The following HHLA2 variants were observed in gnomAD, a reference collection of about 807,000 sequenced individuals.
HHLA2 encodes the protein HHLA2 member of B7 family.
HHLA2 carries 48 observed loss-of-function variants against 45.9 expected under a neutral mutation model. The ratio of observed to expected loss-of-function variants is 1.05; its 90% CI spans 0.83 to 1.33. The LOEUF is 1.33. Among genes scored for constraint, HHLA2 ranks in the 40% most tolerant of loss-of-function variants. HHLA2 has a pLI of 0.00. For synonymous variants in HHLA2, 161 were observed against 173.9 expected (o/e 0.93, Z 0.59); for missense variants, 462 against 494.3 (o/e 0.93, Z 0.62).
chr3:108,303,816 T>C (rs13099364), intron 1 of HHLA2, among the ~76,000 whole-genome samples: 31,176 of 152,024 alleles, frequency 0.21, 4,337 homozygotes, highest in Non-Finnish European at 0.29. Flanking sequence ...GATGGGCTCT[T>C]GATTTTTTTT....
rs2081869872 is a variant in HHLA2 at position 108,355,345 on chromosome 3, CTGAAGCA to C, written c.650_656del (p.Leu217GlnfsTer9). 6.2e-7 allele frequency: 1 copy of C among 1,613,730 alleles called. No homozygotes were observed. On this transcript the variant is annotated frameshift_variant, in exon 6 of 11. Transcript: ENST00000619531. LOFTEE classifies it high-confidence loss of function. ...TGAATGTACAATTGAAAATTCACTGCTGAAGCAAACATGGACAGGGCGCTGGACGATG... is the reference window on the plus strand; with the variant it reads ...TGAATGTACAATTGAAAATTCACTGCAACATGGACAGGGCGCTGGACGATG...
chr3:108,363,929 G>A (rs2082019852), intron 8 of HHLA2, among the ~76,000 whole-genome samples: 1 of 152,000 alleles, frequency 6.6e-6, no homozygotes, highest in Non-Finnish European at 1.5e-5. Context: ...CTTGGAAGGA[G>A]AGAGTCACGT....
At chr3:108,333,839 C>T (rs1441949958) in intron 3 of HHLA2, among the ~76,000 whole-genome samples, 1 of 152,112 alleles carries the variant, frequency 6.6e-6, no homozygotes, top group Non-Finnish European at 1.5e-5. Context: ...CGCTAGATGA[C>T]ATTGAATTCC....
intron 3 of HHLA2, among the ~76,000 whole-genome samples, chr3:108,337,293 C>A (rs1367033641): frequency 1.3e-5 from 2 of 152,114 alleles, no homozygotes; most frequent in African/African-American, 4.8e-5. Flanking sequence ...TTGTCCATGA[C>A]AGATTAGAAA....
exon 5 of HHLA2, chr3:108,353,542 A>G: frequency 6.2e-7 from 1 of 1,613,484 alleles, no homozygotes; most frequent in Non-Finnish European, 8.5e-7. Flanking sequence ...CCGAAGTCGT[A>G]ATACACTGGA....
rs996567737 is a variant in HHLA2, at chr3:108,328,406, A to C, written c.-27+59A>C. 1.7e-5 allele frequency: 18 copies of C among 1,090,876 alleles called. No homozygotes were observed. In the African/African-American group the frequency reaches 2.6e-4, roughly 15 times the overall value. The allele number at this position is 1,090,876 out of a possible 1,614,324, so 67.6% of individuals were successfully genotyped here. A position where few individuals can be genotyped will look rare whatever the true frequency, so the allele number is the denominator to read the frequency against. ...TTATCTGTGCAGCTATTTATTTGAA[A>C]ATTACTGCATGACCAGGAAACATTT... On this transcript the variant is annotated intron_variant, in intron 3 of 10. Transcript: ENST00000619531.
At chr3:108,355,182 A>G (rs2081863140) in exon 6 of HHLA2, 2 of 1,613,610 alleles carry the variant, frequency 1.2e-6, no homozygotes, top group Non-Finnish European at 8.5e-7. Context: ...GCAGCGTGTT[A>G]AGTGTTTATC....
At chr3:108,328,489 A>T in intron 3 of HHLA2, 1 of 608,294 alleles carries the variant, frequency 1.6e-6, no homozygotes, top group South Asian at 2.6e-5. Context: ...GGAGGTGAAT[A>T]TTATTATCCC....
chr3:108,332,544 T>A (rs138065421), intron 3 of HHLA2, among the ~76,000 whole-genome samples: 3 of 152,178 alleles, frequency 2.0e-5, no homozygotes, highest in Non-Finnish European at 4.4e-5. Flanking sequence ...GTCCTAACAG[T>A]AGAGTTGCTG....
chr3:108,342,976 C>T (rs924828235), intron 3 of HHLA2, among the ~76,000 whole-genome samples: 2 of 152,166 alleles, frequency 1.3e-5, no homozygotes, highest in Non-Finnish European at 2.9e-5. Flanking sequence ...ATGTAATTCA[C>T]CTATCTTTTG....
intron 2 of HHLA2, among the ~76,000 whole-genome samples, chr3:108,313,380 C>A (rs2081052029): frequency 6.6e-6 from 1 of 152,092 alleles, no homozygotes; most frequent in Non-Finnish European, 1.5e-5. Context: ...ATGCTTAATC[C>A]CGGGGGATTT....
chr3:108,299,028 A>G (rs1428762052), intron 1 of HHLA2, among the ~76,000 whole-genome samples: 1 of 152,232 alleles, frequency 6.6e-6, no homozygotes, highest in Non-Finnish European at 1.5e-5. Flanking sequence ...CCTAGATTAG[A>G]GACATCACCA....
intron 3 of HHLA2, among the ~76,000 whole-genome samples, chr3:108,340,675 AAAG>A (rs2081548896): frequency 1.3e-5 from 2 of 152,270 alleles, no homozygotes; most frequent in Non-Finnish European, 2.9e-5. Flanking sequence ...TTGAATTTAT[AAAG>A]TTAAGGCATT....
chr3:108,362,428 A>G (rs1449913066), exon 8 of HHLA2: 4 of 1,609,958 alleles, frequency 2.5e-6, no homozygotes, highest in African/African-American at 1.3e-5. Context: ...GCTGATTTGG[A>G]GCGTAAAATG....
At chr3:108,316,394 ATAAC>A (rs2081103478) in intron 2 of HHLA2, among the ~76,000 whole-genome samples, 1 of 152,236 alleles carries the variant, frequency 6.6e-6, no homozygotes, top group East Asian at 1.9e-4. Context: ...CTATCGATAT[ATAAC>A]TAATTATGCT....
intron 8 of HHLA2, 46 bp from the exon 8 acceptor site, chr3:108,375,704 G>A: frequency 6.3e-7 from 1 of 1,593,942 alleles, no homozygotes; most frequent in Non-Finnish European, 8.6e-7. Context: ...GAAACAGCTG[G>A]GAGAGTAAAT....
exon 8 of HHLA2, chr3:108,362,424 T>C: frequency 6.2e-7 from 1 of 1,611,094 alleles, no homozygotes; most frequent in Non-Finnish European, 8.5e-7. Context: ...TTCTGCTGAT[T>C]TGGAGCGTAA....
At chr3:108,360,272 T>C (rs1418435210) in intron 7 of HHLA2, among the ~76,000 whole-genome samples, 2 of 152,188 alleles carry the variant, frequency 1.3e-5, no homozygotes, top group Admixed American at 1.3e-4. Flanking sequence ...TAACTCAGCA[T>C]ATACAACACA....
chr3:108,317,265 C>A (rs2081118308), intron 2 of HHLA2, among the ~76,000 whole-genome samples: 1 of 152,172 alleles, frequency 6.6e-6, no homozygotes, highest in African/African-American at 2.4e-5. Context: ...ATACGGTGTG[C>A]AACTAGGATC....
Sources: allele counts gnomAD v4.1 joint callset (sites outside exome capture counted in the v4.1 genomes callset), GRCh38; gene constraint gnomAD v4.1.1; transcripts MANE v1.5; gene names NCBI Gene and HGNC (gene_info 2026-07-23, HGNC 2026-07-21).